The following TOX variants were observed in gnomAD, a reference collection of about 807,000 sequenced individuals.
TOX encodes thymocyte selection associated high mobility group box, also known as thymocyte selection-associated high mobility group box protein TOX.
A neutral mutation model predicts 53.7 loss-of-function variants in TOX; 11 were observed. The observed-to-expected ratio is 0.20, with a 90% CI of 0.13 to 0.34. The LOEUF is 0.34. Among genes scored for constraint, TOX ranks in the 10% least tolerant of loss-of-function variants. TOX has a pLI of 1.00. For missense variants in TOX, 570 were observed against 664.6 expected, an observed-to-expected ratio of 0.86 and a Z score of 1.56; for synonymous variants, 225 against 245.3, an observed-to-expected ratio of 0.92 and a Z score of 0.77.
At chr8:59,105,021 C>T (rs1804874458) in intron 1 of TOX, among the ~76,000 whole-genome samples, 1 of 152,166 alleles carries the variant, frequency 6.6e-6, no homozygotes, top group Non-Finnish European at 1.5e-5. Context: ...TAAAGTTCTG[C>T]ACTCTGTGTT....
chr8:58,842,312 CAAAA>C (rs1810658600), intron 4 of TOX, among the ~76,000 whole-genome samples: 2 of 151,936 alleles, frequency 1.3e-5, no homozygotes, highest in Admixed American at 6.6e-5. Context: ...CTGGATAGAA[CAAAA>C]AAGACAGAAA....
intron 3 of TOX, among the ~76,000 whole-genome samples, chr8:58,879,583 G>A (rs1247347575): frequency 6.6e-6 from 1 of 152,082 alleles, no homozygotes; most frequent in Non-Finnish European, 1.5e-5. Flanking sequence ...AATATGCCAA[G>A]AGCACTGAGC....
chr8:58,832,803 G>C (rs1183282302), intron 5 of TOX, among the ~76,000 whole-genome samples: 4 of 152,160 alleles, frequency 2.6e-5, no homozygotes, highest in African/African-American at 9.7e-5. Flanking sequence ...CACATTAACA[G>C]TAATTTCACG....
At chr8:59,038,418 T>C (rs976786873) in intron 1 of TOX, among the ~76,000 whole-genome samples, 1 of 152,226 alleles carries the variant, frequency 6.6e-6, no homozygotes, top group African/African-American at 2.4e-5. Flanking sequence ...ATTTGTTCTT[T>C]GCTTGTGATA....
At chr8:59,083,401 T>C (rs1204808852) in intron 1 of TOX, among the ~76,000 whole-genome samples, 1 of 152,150 alleles carries the variant, frequency 6.6e-6, no homozygotes, top group Non-Finnish European at 1.5e-5. Context: ...TCAAATAATA[T>C]TTTAAGAGTT....
At chr8:58,820,754 G>A (rs1337251352) in intron 6 of TOX, among the ~76,000 whole-genome samples, 1 of 152,120 alleles carries the variant, frequency 6.6e-6, no homozygotes, top group Non-Finnish European at 1.5e-5. Flanking sequence ...TAAAAGAGGA[G>A]TTTCAAAAAT....
chr8:59,106,036 A>G (rs1804893460), intron 1 of TOX, among the ~76,000 whole-genome samples: 1 of 152,210 alleles, frequency 6.6e-6, no homozygotes, highest in Admixed American at 6.5e-5. Flanking sequence ...TGATAGCAGA[A>G]ATGAATCTTC....
chr8:59,027,412 T>C (rs1345265456), intron 1 of TOX, among the ~76,000 whole-genome samples: 2 of 151,956 alleles, frequency 1.3e-5, no homozygotes, highest in South Asian at 4.1e-4. Context: ...GTTTCTGTGT[T>C]AGTCACATGA....
chr8:59,043,172 T>C (rs1208682959), intron 1 of TOX, among the ~76,000 whole-genome samples: 1 of 150,468 alleles, frequency 6.6e-6, no homozygotes, highest in Non-Finnish European at 1.5e-5. Context: ...ATCTCAAAAC[T>C]CTTGTTTTGA....
intron 1 of TOX, among the ~76,000 whole-genome samples, chr8:58,993,139 C>T (rs1400289086): frequency 1.3e-5 from 2 of 152,108 alleles, no homozygotes; most frequent in African/African-American, 2.4e-5. Flanking sequence ...GAAGAGTAAC[C>T]GTCCTGTTCT....
At chr8:58,959,716 C>A (rs1262886944) in intron 2 of TOX, among the ~76,000 whole-genome samples, 1 of 152,178 alleles carries the variant, frequency 6.6e-6, no homozygotes, top group East Asian at 1.9e-4. Flanking sequence ...AAAACAGCTG[C>A]CTGACGTTCT....
Position 58,819,156 on chromosome 8 carries a change from A to AT in TOX, c.1006-3433dup, listed in dbSNP as rs576771483. ...GAAATCATAATGTACTCTTACTGTCATTTTTTCCCAATTTAACTGTGAAAG... is the reference window on the plus strand; with the variant it reads ...GAAATCATAATGTACTCTTACTGTCATTTTTTTCCCAATTTAACTGTGAAAG... On this transcript the variant is annotated intron_variant, in intron 6 of 8. Coordinates refer to ENST00000361421, the MANE Select transcript of TOX (RefSeq NM_014729.3). Among the ~76,000 whole-genome samples the AT allele has an allele frequency of 7.4e-3, 1,130 of 152,258 alleles. 11 individuals are homozygous for AT. Among genetic ancestry groups the AT allele is most frequent in the African/African-American group, 0.026 (1,071 of 41,554 alleles).
intron 1 of TOX, among the ~76,000 whole-genome samples, chr8:58,962,307 G>A (rs966469122): frequency 6.6e-6 from 1 of 152,130 alleles, no homozygotes; most frequent in African/African-American, 2.4e-5. Flanking sequence ...GTGGCTATCG[G>A]CATTATAACT....
intron 3 of TOX, among the ~76,000 whole-genome samples, chr8:58,861,960 T>C (rs1811018612): frequency 6.6e-6 from 1 of 152,104 alleles, no homozygotes; most frequent in Non-Finnish European, 1.5e-5. Flanking sequence ...AGAAGCAAAA[T>C]TAAAACCTTA....
Position 58,815,598 on chromosome 8 carries a change from G to C in TOX, c.1132C>G (p.Gln378Glu). 1.9e-6 allele frequency: 3 copies of C among 1,614,168 alleles called. No homozygotes were observed. Among genetic ancestry groups the C allele is most frequent in the Non-Finnish European group, 2.5e-6 (3 of 1,180,030 alleles). The change falls in exon 7 of 9, where the codon CAA becomes GAA. Residue 378 changes from glutamine to glutamate, a missense_variant. Physicochemically the swap from Gln to Glu is conservative, Grantham distance 29. Coordinates refer to ENST00000361421, the MANE Select transcript of TOX (RefSeq NM_014729.3). ...ALYLSSHYHQ[Q>E]PGMNPHLTAM... Reference sequence around the variant, plus strand: ...GTTAGGTGAGGATTCATTCCCGGTTGTTGGTGATAGTGGGAACTTAGGTAC... The same window carrying C: ...GTTAGGTGAGGATTCATTCCCGGTTCTTGGTGATAGTGGGAACTTAGGTAC...
intron 4 of TOX, among the ~76,000 whole-genome samples, chr8:58,849,065 T>C (rs1810765267): frequency 6.6e-6 from 1 of 152,148 alleles, no homozygotes. Flanking sequence ...AAAAATCCAG[T>C]TTAATCCTTA....
At chr8:58,963,331 A>ATAGATAGT (rs1202005337) in intron 1 of TOX, among the ~76,000 whole-genome samples, 1 of 145,912 alleles carries the variant, frequency 6.9e-6, no homozygotes, top group African/African-American at 2.5e-5. Context: ...AGATAGATAG[A>ATAGATAGT]TAGATAGATA....
intron 2 of TOX, among the ~76,000 whole-genome samples, chr8:58,941,220 T>A (rs1042548486): frequency 1.3e-5 from 2 of 152,214 alleles, no homozygotes; most frequent in African/African-American, 4.8e-5. Context: ...ATTGGTTCCT[T>A]GTACAAGTAT....
chr8:59,003,995 A>T (rs1169999189), intron 1 of TOX, among the ~76,000 whole-genome samples: 1 of 152,184 alleles, frequency 6.6e-6, no homozygotes, highest in Non-Finnish European at 1.5e-5. Flanking sequence ...GTTTTTTATG[A>T]TGTTGGGGAA....
Sources: allele counts gnomAD v4.1 joint callset (sites outside exome capture counted in the v4.1 genomes callset), GRCh38; gene constraint gnomAD v4.1.1; transcripts MANE v1.5; gene names NCBI Gene and HGNC (gene_info 2026-07-23, HGNC 2026-07-21).